Variants in PDE1C observed in about 807,000 individuals in gnomAD.
PDE1C encodes phosphodiesterase 1C, also known as dual specificity calcium/calmodulin-dependent 3',5'-cyclic nucleotide phosphodiesterase 1C.
A neutral mutation model predicts 93.1 loss-of-function variants in PDE1C; 62 were observed. The ratio of observed to expected loss-of-function variants is 0.67; its 90% CI spans 0.54 to 0.82. PDE1C has a LOEUF of 0.82. PDE1C is among the 40% of genes least tolerant of loss of function. The pLI is 0.00. For missense variants in PDE1C, 742 were observed against 884.6 expected, an observed-to-expected ratio of 0.84 and a Z score of 2.04; for synonymous variants, 325 against 310.1, an observed-to-expected ratio of 1.05 and a Z score of -0.50.
intron 2 of PDE1C, among the ~76,000 whole-genome samples, chr7:31,894,810 C>T (rs187863793): frequency 1.3e-5 from 2 of 152,194 alleles, no homozygotes; most frequent in African/African-American, 4.8e-5. Flanking sequence ...CCCCTGCCAA[C>T]AGCCATTCCC....
upstream of PDE1C, chr7:32,071,103 G>A: frequency 1.0e-6 from 1 of 985,504 alleles, no homozygotes; most frequent in Non-Finnish European, 1.2e-6. Flanking sequence ...GCCGTCTGCC[G>A]GGCACACGCT....
rs116362638 is a variant in PDE1C, at chr7:31,934,582, T to C, written c.129-53722A>G. Among the ~76,000 whole-genome samples the C allele has an allele frequency of 2.7e-3, 412 of 150,718 alleles. 4 individuals are homozygous for C. Among genetic ancestry groups the C allele is most frequent in the African/African-American group, 9.4e-3 (388 of 41,232 alleles). On this transcript the variant is annotated intron_variant, in intron 2 of 17. Coordinates refer to ENST00000396191, the MANE Select transcript of PDE1C (RefSeq NM_001191057.4). ...AATACAAAAAAAAAAAAAATCACAC[T>C]AGCTTACGTGAGTTGATACTGGTCT... is the stretch of plus-strand genomic sequence containing the variant.
At chr7:32,273,777 A>T (rs1390666852) in intron 1 of PDE1C, among the ~76,000 whole-genome samples, 1 of 152,254 alleles carries the variant, frequency 6.6e-6, no homozygotes, top group African/African-American at 2.4e-5. Flanking sequence ...AGTTGTGTCA[A>T]CACCATAAAT....
At chr7:32,398,070 G>T (rs766469941) in intron 1 of PDE1C, among the ~76,000 whole-genome samples, 57 of 151,574 alleles carry the variant, frequency 3.8e-4, no homozygotes, top group Non-Finnish European at 6.3e-4. Flanking sequence ...GGAGAATGGC[G>T]TGAACCCAGC....
the PDE1C span, among the ~76,000 whole-genome samples, chr7:31,693,329 T>G: frequency 6.6e-6 from 1 of 152,204 alleles, no homozygotes; most frequent in Non-Finnish European, 1.5e-5. Flanking sequence ...CAGTACCCAT[T>G]CAGAGCAGCA....
intron 3 of PDE1C, among the ~76,000 whole-genome samples, chr7:32,112,236 C>T (rs571545375): frequency 5.1e-4 from 78 of 152,244 alleles, no homozygotes; most frequent in African/African-American, 1.8e-3. Context: ...ATGATGTTTT[C>T]TATCTTCTCC....
At chr7:32,404,561 CTG>C (rs1189205463) in intron 1 of PDE1C, among the ~76,000 whole-genome samples, 8 of 152,066 alleles carry the variant, frequency 5.3e-5, no homozygotes, top group Non-Finnish European at 7.4e-5. Flanking sequence ...GGGTCTCACT[CTG>C]TTGCCCAGGC....
At chr7:32,103,656 T>C (rs7808177) in intron 3 of PDE1C, among the ~76,000 whole-genome samples, 4,238 of 152,318 alleles carry the variant, frequency 0.028, 194 homozygotes, top group African/African-American at 0.097. Context: ...TGCTGTTAGC[T>C]TGTAATGCTC....
At chr7:32,015,488 A>T (rs1399686615) in intron 2 of PDE1C, among the ~76,000 whole-genome samples, 2 of 152,136 alleles carry the variant, frequency 1.3e-5, no homozygotes, top group Non-Finnish European at 2.9e-5. Context: ...GCGGAAATAA[A>T]AAGGACAATT....
chr7:32,076,650 A>G (rs1253049637), intron 3 of PDE1C, among the ~76,000 whole-genome samples: 1 of 130,412 alleles, frequency 7.7e-6, no homozygotes, highest in East Asian at 1.9e-4. Flanking sequence ...CTCAAAAAAA[A>G]AAAAAAAGAA....
chr7:32,173,327 TAGGGAGGAGAACA>T (rs1224733182), intron 2 of PDE1C, among the ~76,000 whole-genome samples: 2 of 151,402 alleles, frequency 1.3e-5, no homozygotes, highest in East Asian at 3.9e-4. Context: ...CACATGGACA[TAGGGAGGAGAACA>T]ACACACACCA....
At chr7:32,121,068 G>T (rs554888771) in intron 3 of PDE1C, among the ~76,000 whole-genome samples, 36 of 152,162 alleles carry the variant, frequency 2.4e-4, no homozygotes, top group Admixed American at 3.9e-4. Flanking sequence ...CACAACACAA[G>T]AACTTCAAGA....
At chr7:32,128,815 T>C (rs1484354912) in intron 3 of PDE1C, among the ~76,000 whole-genome samples, 2 of 149,594 alleles carry the variant, frequency 1.3e-5, no homozygotes, top group African/African-American at 4.9e-5. Context: ...AGTAATCATA[T>C]GTGTTGCAGG....
intron 2 of PDE1C, among the ~76,000 whole-genome samples, chr7:32,192,212 G>A (rs942408613): frequency 6.6e-5 from 10 of 152,070 alleles, no homozygotes; most frequent in African/African-American, 2.4e-4. Flanking sequence ...AATTTTTAAT[G>A]TTGATGAAGC....
chr7:31,913,956 G>C (rs945730840), intron 2 of PDE1C, among the ~76,000 whole-genome samples: 3 of 152,136 alleles, frequency 2.0e-5, no homozygotes, highest in Non-Finnish European at 4.4e-5. Flanking sequence ...ATGCCAGCTA[G>C]ATCTACAGCA....
chr7:32,183,739 G>A (rs921525088), intron 2 of PDE1C, among the ~76,000 whole-genome samples: 4 of 152,180 alleles, frequency 2.6e-5, no homozygotes, highest in African/African-American at 7.2e-5. Flanking sequence ...ACATAGGCAT[G>A]GGCAAGGACT....
In PDE1C at chr7:31,753,292, A is replaced by C. The variant is rs920766833; in HGVS notation, c.*92T>G. 18 of 1,481,458 alleles carry C rather than the reference A, an allele frequency of 1.2e-5. No individual in the cohort carries two copies. The highest frequency in any genetic ancestry group is 6.9e-5 in the East Asian group (3 of 43,232). The allele number at this position is 1,481,458 out of a possible 1,614,324, so 91.8% of individuals were successfully genotyped here. A position where few individuals can be genotyped will look rare whatever the true frequency, so the allele number is the denominator to read the frequency against. On this transcript the variant is annotated 3_prime_UTR_variant, in exon 18 of 18. Transcript: ENST00000396191. ...GATAGTACCTGCTCCAACAGCCTCC[A>C]AGGGTCTTGGAGGTGTGTCCTGCTG...
chr7:32,027,410 C>T (rs1394195459), intron 2 of PDE1C, among the ~76,000 whole-genome samples: 1 of 151,842 alleles, frequency 6.6e-6, no homozygotes, highest in African/African-American at 2.4e-5. Flanking sequence ...GACATGCAAA[C>T]TTAATGGTGT....
intron 1 of PDE1C, among the ~76,000 whole-genome samples, chr7:32,258,523 C>T (rs990969109): frequency 1.3e-5 from 2 of 152,182 alleles, no homozygotes; most frequent in Non-Finnish European, 2.9e-5. Context: ...AGGGCAAGGG[C>T]ACGCCCTGCC....
Sources: allele counts gnomAD v4.1 joint callset (sites outside exome capture counted in the v4.1 genomes callset), GRCh38; gene constraint gnomAD v4.1.1; transcripts MANE v1.5; gene names NCBI Gene and HGNC (gene_info 2026-07-23, HGNC 2026-07-21).